The following WFDC1 variants were observed in gnomAD, a reference collection of about 807,000 sequenced individuals.
The protein encoded by WFDC1 is WAP four-disulfide core domain 1.
WFDC1 carries 39 observed loss-of-function variants against 32.9 expected under a neutral mutation model. The ratio of observed to expected loss-of-function variants is 1.19; its 90% CI spans 0.92 to 1.55. WFDC1 has a LOEUF of 1.55. WFDC1 is among the 40% of genes most tolerant of loss of function. The pLI is 0.00. For missense variants in WFDC1, 386 were observed against 309.5 expected, an observed-to-expected ratio of 1.25 and a Z score of -1.85; for synonymous variants, 184 against 137.4, an observed-to-expected ratio of 1.34 and a Z score of -2.37.
chr16:84,305,022 C>T (rs939356964), intron 1 of WFDC1, among the ~76,000 whole-genome samples: 35 of 152,304 alleles, frequency 2.3e-4, no homozygotes, highest in African/African-American at 8.4e-4. Context: ...AGGTTCGAGT[C>T]CTGCCTCTGA....
rs1907746906 is a variant in WFDC1 at position 84,313,164 on chromosome 16, G to A, written c.337+11G>A. ...TGCCGCCCCCGCCAGGTAGGTCCTGGGCCCGAGGGAGGGGGCTGAGGGAGG... is the reference window on the plus strand; with the variant it reads ...TGCCGCCCCCGCCAGGTAGGTCCTGAGCCCGAGGGAGGGGGCTGAGGGAGG... On this transcript the variant is annotated intron_variant, in intron 2 of 6. Coordinates refer to ENST00000219454, the MANE Select transcript of WFDC1 (RefSeq NM_021197.4). 1.4e-6 allele frequency: 2 copies of A among 1,410,440 alleles called. No individual in the cohort carries two copies. Among genetic ancestry groups the A allele is most frequent in the South Asian group, 1.6e-5 (1 of 63,924 alleles). 87.4% of individuals were successfully genotyped at this position (1,410,440 alleles called of 1,614,324 possible). A position where few individuals can be genotyped will look rare whatever the true frequency, so the allele number is the denominator to read the frequency against.
At chr16:84,298,040 C>T (rs1402618472) in intron 1 of WFDC1, among the ~76,000 whole-genome samples, 1 of 152,130 alleles carries the variant, frequency 6.6e-6, no homozygotes, top group African/African-American at 2.4e-5. Flanking sequence ...TGGCTTGCAC[C>T]CCCTCTGGAG....
intron 1 of WFDC1, among the ~76,000 whole-genome samples, chr16:84,297,857 C>G (rs534585924): frequency 6.6e-6 from 1 of 152,110 alleles, no homozygotes; most frequent in Non-Finnish European, 1.5e-5. Flanking sequence ...ATGGCCCTTT[C>G]GTTCGACAGG....
intron 1 of WFDC1, among the ~76,000 whole-genome samples, chr16:84,305,340 T>A (rs1907187554): frequency 6.6e-6 from 1 of 152,236 alleles, no homozygotes; most frequent in Non-Finnish European, 1.5e-5. Context: ...TGGAGGCGAC[T>A]TCAGGTGGTC....
chr16:84,328,734 C>T (rs1011167298), intron 6 of WFDC1: 13 of 147,472 alleles, frequency 8.8e-5, no homozygotes, highest in Admixed American at 3.4e-4. Context: ...GGTATAATCC[C>T]AGGAGTTCAA....
chr16:84,307,187 C>A (rs1241515001), intron 1 of WFDC1, among the ~76,000 whole-genome samples: 2 of 152,094 alleles, frequency 1.3e-5, no homozygotes, highest in Non-Finnish European at 2.9e-5. Context: ...GACCTCTAGG[C>A]CAAGAACCTT....
At position 84,313,042 on chromosome 16, in the gene WFDC1, GGCGCCTGCCAGGCCGC is replaced by G; in HGVS notation, c.231_246del (p.Cys78ValfsTer23). 1 of 1,367,274 alleles carries G rather than the reference GGCGCCTGCCAGGCCGC, an allele frequency of 7.3e-7. No homozygotes were observed. The highest frequency in any genetic ancestry group is 1.5e-5 in the African/African-American group (1 of 65,436). The allele number at this position is 1,367,274 out of a possible 1,614,324, so 84.7% of individuals were successfully genotyped here. On this transcript the variant is annotated frameshift_variant, in exon 2 of 7. Coordinates refer to ENST00000219454, the MANE Select transcript of WFDC1 (RefSeq NM_021197.4). LOFTEE classifies it high-confidence loss of function. ...GCCGCCTCCGCGGACGCTGCCCCCC[GGCGCCTGCCAGGCCGC>G]GCGCTGTCAGGCGGACTCCGAGTGC... is the stretch of plus-strand genomic sequence containing the variant.
chr16:84,326,825 G>GC, intron 5 of WFDC1, 57 bp from the exon 6 acceptor site: 1 of 1,607,132 alleles, frequency 6.2e-7, no homozygotes, highest in Non-Finnish European at 8.5e-7. Context: ...GAGCCACGGG[G>GC]GGCATTAGAG....
At chr16:84,297,819 A>G (rs1224128722) in intron 1 of WFDC1, among the ~76,000 whole-genome samples, 1 of 152,042 alleles carries the variant, frequency 6.6e-6, no homozygotes, top group Non-Finnish European at 1.5e-5. Flanking sequence ...CTCACCTGGG[A>G]AATGAAGATG....
chr16:84,308,055 G>A (rs1160828760), intron 1 of WFDC1, among the ~76,000 whole-genome samples: 4 of 152,190 alleles, frequency 2.6e-5, no homozygotes, highest in African/African-American at 4.8e-5. Context: ...TTCACTTTTC[G>A]TGAATTTAAC....
At chr16:84,311,725 A>C (rs1462489315) in intron 1 of WFDC1, among the ~76,000 whole-genome samples, 2 of 127,676 alleles carry the variant, frequency 1.6e-5, no homozygotes, top group African/African-American at 6.0e-5. Flanking sequence ...TTAGTGGAGA[A>C]GGGGTTTCGC....
At chr16:84,326,018 C>A (rs575505315) in intron 5 of WFDC1, 1 of 139,766 alleles carries the variant, frequency 7.2e-6, no homozygotes, top group East Asian at 2.2e-4. Context: ...ACCCATATAT[C>A]CATCTATCTA....
chr16:84,302,664 G>C (rs1907012831), intron 1 of WFDC1, among the ~76,000 whole-genome samples: 1 of 152,178 alleles, frequency 6.6e-6, no homozygotes, highest in African/African-American at 2.4e-5. Context: ...TTATTGGCAT[G>C]ATTTGTTTAG....
chr16:84,319,400 T>G (rs1157205757), intron 3 of WFDC1, 31 bp from the exon 4 acceptor site: 1 of 1,603,828 alleles, frequency 6.2e-7, no homozygotes, highest in African/African-American at 1.3e-5. Context: ...GGAGTCGGCC[T>G]TCTAGACCCC....
chr16:84,304,014 G>A (rs1335306840), intron 1 of WFDC1, among the ~76,000 whole-genome samples: 3 of 152,150 alleles, frequency 2.0e-5, no homozygotes, highest in East Asian at 1.9e-4. Flanking sequence ...ATGGTGGATC[G>A]ACATCTTCCT....
chr16:84,319,731 T>C (rs1293432404), intron 4 of WFDC1, among the ~76,000 whole-genome samples, 160 bp downstream of exon 4: 1 of 152,098 alleles, frequency 6.6e-6, no homozygotes, highest in Non-Finnish European at 1.5e-5. Flanking sequence ...GCTCCTTCTT[T>C]CATGGCCCCT....
chr16:84,308,311 TG>T (rs1907390874), intron 1 of WFDC1, among the ~76,000 whole-genome samples: 1 of 152,098 alleles, frequency 6.6e-6, no homozygotes, highest in South Asian at 2.1e-4. Context: ...AGGGACCTGG[TG>T]CCCCCTGCAG....
At position 84,313,011 on chromosome 16, in the gene WFDC1, C is replaced by T. The variant is rs2151375336; in HGVS notation, c.195C>T (p.Arg65=). 2 of 1,286,222 alleles carry T rather than the reference C, an allele frequency of 1.6e-6. No homozygotes were observed. The highest frequency in any genetic ancestry group is 2.0e-6 in the Non-Finnish European group (2 of 1,018,468). The allele number at this position is 1,286,222 out of a possible 1,614,324, so 79.7% of individuals were successfully genotyped here. The change falls in exon 2 of 7, where the codon CGC becomes CGT. Residue 65 remains arginine, a synonymous_variant. Coordinates refer to ENST00000219454, the MANE Select transcript of WFDC1 (RefSeq NM_021197.4). ...PGGPRQPRAD[R]CPPPPRTLPP... is the part of the protein sequence containing the mutation. ...GCCCCCGGCAGCCCCGAGCAGACCG[C>T]TGCCCGCCGCCTCCGCGGACGCTGC...
intron 1 of WFDC1, among the ~76,000 whole-genome samples, chr16:84,302,446 T>C (rs1597664012): frequency 6.6e-6 from 1 of 152,178 alleles, no homozygotes; most frequent in East Asian, 1.9e-4. Context: ...CGATGGCACA[T>C]AGAGTCCTTG....
Sources: gnomAD v4.1 joint callset for allele counts (sites outside exome capture counted in the v4.1 genomes callset) on GRCh38, gnomAD v4.1.1 for gene constraint, MANE v1.5 for transcripts, NCBI Gene and HGNC (gene_info 2026-07-23, HGNC 2026-07-21) for gene names.